Variants in HTR4 observed in about 807,000 individuals in gnomAD.
The protein encoded by HTR4 is 5-hydroxytryptamine (serotonin) receptor 4, G protein-coupled.
In HTR4, 16 loss-of-function variants were observed where a neutral mutation model predicts 36.8. The observed-to-expected ratio is 0.43, with a 90% CI of 0.29 to 0.66. HTR4 has a LOEUF of 0.66. Ranked by LOEUF, HTR4 falls within the 30% of genes least tolerant of loss-of-function variation. HTR4 has a pLI of 0.13. For missense variants in HTR4, 438 were observed against 490.9 expected (o/e 0.89, Z 1.02); for synonymous variants, 189 against 185.1 (o/e 1.02, Z -0.17).
At chr5:148,501,844 G>A (rs1317861504) in intron 6 of HTR4, among the ~76,000 whole-genome samples, 1 of 152,010 alleles carries the variant, frequency 6.6e-6, no homozygotes, top group Non-Finnish European at 1.5e-5. Flanking sequence ...TGGATCACAG[G>A]GTCAGGAGAT....
chr5:148,455,032 A>G (rs1453270561), intron 5 of HTR4, among the ~76,000 whole-genome samples: 3 of 152,206 alleles, frequency 2.0e-5, no homozygotes, highest in African/African-American at 7.2e-5. Flanking sequence ...ATACTAAGAA[A>G]TCATACACAG....
chr5:148,568,969 G>A (rs1760563783), intron 2 of HTR4, among the ~76,000 whole-genome samples: 1 of 152,034 alleles, frequency 6.6e-6, no homozygotes, highest in South Asian at 2.1e-4. Flanking sequence ...TACTATGCAG[G>A]TGTTAAAAAG....
At chr5:148,495,830 C>T (rs1343617617) in intron 6 of HTR4, among the ~76,000 whole-genome samples, 2 of 152,030 alleles carry the variant, frequency 1.3e-5, no homozygotes, top group African/African-American at 4.8e-5. Flanking sequence ...GGCCTGGGTG[C>T]GGTGGCTCAA....
In HTR4 at chr5:148,653,608, A is replaced by AAC. The variant is rs56205829; in HGVS notation, c.-48+452_-48+453dup. On this transcript the variant is annotated intron_variant, in intron 1 of 6. Transcript: ENST00000377888. ...CACACTATCTTGTCTCTCTCTCTCT[A>AAC]ACACACACACACACACACACACAGC... 5.2e-3 allele frequency among the ~76,000 whole-genome samples: 772 copies of AAC among 149,396 alleles called. 4 individuals are homozygous for AAC. Among genetic ancestry groups the AAC allele is most frequent in the African/African-American group, 0.012 (508 of 40,658 alleles).
At chr5:148,552,511 G>A (rs539580386) in intron 2 of HTR4, among the ~76,000 whole-genome samples, 6 of 152,220 alleles carry the variant, frequency 3.9e-5, no homozygotes, top group African/African-American at 9.6e-5. Context: ...AGAGACTAAC[G>A]GCCCCCCTGA....
rs1754127747 is a variant in HTR4, at chr5:148,654,245, G to A, written c.-231C>T. The A allele has an allele frequency of 1.0e-6, 1 of 985,122 alleles. No homozygotes were observed. The allele number at this position is 985,122 out of a possible 1,614,324, so 61.0% of individuals were successfully genotyped here. A position where few individuals can be genotyped will look rare whatever the true frequency, so the allele number is the denominator to read the frequency against. On this transcript the variant is annotated 5_prime_UTR_variant, in exon 1 of 7. Transcript: ENST00000377888. The stretch of plus-strand genomic sequence containing the variant: ...TGGGGAGCCGGCGAGCGTGAGGCGC[G>A]GGCCAGGGGCTGCGGGCGCAGGACC...
intron 4 of HTR4, among the ~76,000 whole-genome samples, chr5:148,535,216 G>A (rs1293348606): frequency 5.3e-5 from 8 of 151,850 alleles, no homozygotes; most frequent in Non-Finnish European, 7.4e-5. Flanking sequence ...AAGCAGGCAG[G>A]AAAGGAGTCT....
rs1755409954 is a variant in HTR4 at position 148,465,737 on chromosome 5, C to T, written c.1077-14465G>A. The T allele has an allele frequency of 5.7e-6, 8 of 1,404,828 alleles. No individual in the cohort carries two copies. The South Asian group carries it at 1.3e-4, about 23-fold the overall frequency. 87.0% of individuals were successfully genotyped at this position (1,404,828 alleles called of 1,614,324 possible). A position where few individuals can be genotyped will look rare whatever the true frequency, so the allele number is the denominator to read the frequency against. ...CAGTTCTGTGCCAACAATTGTGCACCCTTAACTTTGTCCTGTGAGGACAGA... is the reference window on the plus strand; with the variant it reads ...CAGTTCTGTGCCAACAATTGTGCACTCTTAACTTTGTCCTGTGAGGACAGA... On this transcript the variant is annotated intron_variant, in intron 5 of 5. Transcript: ENST00000521530.
chr5:148,499,482 T>G (rs1364447749), intron 6 of HTR4, among the ~76,000 whole-genome samples: 6 of 152,212 alleles, frequency 3.9e-5, no homozygotes, highest in African/African-American at 1.2e-4. Flanking sequence ...AATTTTACAG[T>G]TATTTTTATT....
chr5:148,467,021 A>G (rs1176601042), intron 5 of HTR4, among the ~76,000 whole-genome samples: 2 of 152,226 alleles, frequency 1.3e-5, no homozygotes, highest in Non-Finnish European at 2.9e-5. Flanking sequence ...AATGGGCTCT[A>G]GATAATCATT....
chr5:148,605,747 T>TA (rs879413660), intron 2 of HTR4, among the ~76,000 whole-genome samples: 215 of 144,460 alleles, frequency 1.5e-3, no homozygotes, highest in South Asian at 3.3e-3. Flanking sequence ...TTCTGTGATT[T>TA]AAAAAAAAAA....
At position 148,465,220 on chromosome 5, in the gene HTR4, T is replaced by G. The variant is rs1041595706; in HGVS notation, c.1077-13948A>C. ...ACAGTACTAAGAATGAACTCTAATG[T>G]AAACTATGGACTCAGGGTGATAATA... On this transcript the variant is annotated intron_variant, in intron 5 of 5. Transcript: ENST00000521530. 3.3e-5 allele frequency among the ~76,000 whole-genome samples: 5 copies of G among 152,180 alleles called. 1 individual carries two copies. The highest frequency in any genetic ancestry group is 3.3e-4 in the Admixed American group (5 of 15,282).
rs982784308 is a variant in HTR4 at position 148,584,811 on chromosome 5, C to T, written c.27-34549G>A. Among the ~76,000 whole-genome samples, 9 of 152,308 alleles carry T rather than the reference C, an allele frequency of 5.9e-5. No homozygotes were observed. The East Asian group carries it at 7.7e-4, about 13-fold the overall frequency. On this transcript the variant is annotated intron_variant, in intron 2 of 6. Coordinates refer to ENST00000377888, the MANE Select transcript of HTR4 (RefSeq NM_000870.7). ...TGAGTAAATGAATAAAGATTGCTGG[C>T]ATCACATCTTCCCTTTTCTTCTCTT... is the stretch of plus-strand genomic sequence containing the variant.
Position 148,481,810 on chromosome 5 carries a change from G to A in HTR4, c.*1393C>T, listed in dbSNP as rs201970020. 2 of 1,348,880 alleles carry A rather than the reference G, an allele frequency of 1.5e-6. No homozygotes were observed. The highest frequency in any genetic ancestry group is 1.9e-6 in the Non-Finnish European group (2 of 1,057,602). 83.6% of individuals were successfully genotyped at this position (1,348,880 alleles called of 1,614,324 possible). Reference sequence around the variant, plus strand: ...CTTCTGCTATGGGGCATTCGCAAGAGCCACTGACTCAGCTTTGAATAAAAG... The same window carrying A: ...CTTCTGCTATGGGGCATTCGCAAGAACCACTGACTCAGCTTTGAATAAAAG... On this transcript the variant is annotated 3_prime_UTR_variant, in exon 7 of 7. Coordinates refer to ENST00000377888, the MANE Select transcript of HTR4 (RefSeq NM_000870.7).
At chr5:148,458,416 G>A (rs1249496338) in intron 5 of HTR4, among the ~76,000 whole-genome samples, 1 of 151,946 alleles carries the variant, frequency 6.6e-6, no homozygotes, top group African/African-American at 2.4e-5. Context: ...ATATCAGAGT[G>A]GAGACACAGT....
intron 2 of HTR4, among the ~76,000 whole-genome samples, chr5:148,560,215 A>G (rs537282590): frequency 9.3e-5 from 14 of 151,310 alleles, no homozygotes; most frequent in African/African-American, 2.9e-4. Flanking sequence ...TAAAAAAAAA[A>G]AAAAAAAAAA....
intron 6 of HTR4, among the ~76,000 whole-genome samples, chr5:148,496,450 A>G (rs534564581): frequency 6.6e-6 from 1 of 152,316 alleles, no homozygotes; most frequent in East Asian, 1.9e-4. Flanking sequence ...ACAATAATAT[A>G]TACACAGAGA....
intron 2 of HTR4, among the ~76,000 whole-genome samples, chr5:148,558,176 A>G (rs1270601590): frequency 1.3e-5 from 2 of 151,830 alleles, no homozygotes; most frequent in African/African-American, 4.8e-5. Flanking sequence ...TTTCTTACCA[A>G]TCAACAGTTA....
At chr5:148,451,224 G>A (rs766384809) in exon 6 of HTR4, 3 of 1,613,882 alleles carry the variant, frequency 1.9e-6, no homozygotes, top group Non-Finnish European at 1.7e-6. Context: ...CATTGTGTAT[G>A]GGCAGTTTCT....
Sources: gnomAD v4.1 joint callset for allele counts (sites outside exome capture counted in the v4.1 genomes callset) on GRCh38, gnomAD v4.1.1 for gene constraint, MANE v1.5 for transcripts, NCBI Gene and HGNC (gene_info 2026-07-23, HGNC 2026-07-21) for gene names.